The following ALPK1 variants were observed in gnomAD, a reference collection of about 807,000 sequenced individuals.
The protein encoded by ALPK1 is alpha kinase 1, also known as alpha-protein kinase 1.
In ALPK1, 110 loss-of-function variants were observed where a neutral mutation model predicts 120.6. The observed-to-expected ratio is 0.91, with a 90% CI of 0.78 to 1.07. The LOEUF (loss-of-function observed/expected upper bound fraction) is 1.07. Ranked by LOEUF, ALPK1 falls within the 50% of genes least tolerant of loss-of-function variation. The pLI is 0.00. For synonymous variants in ALPK1, 582 were observed against 560.3 expected, an observed-to-expected ratio of 1.04 and a Z score of -0.55; for missense variants, 1,498 against 1,483.9, an observed-to-expected ratio of 1.01 and a Z score of -0.16.
intron 2 of ALPK1, among the ~76,000 whole-genome samples, chr4:112,330,002 A>G (rs1412227299): frequency 1.3e-5 from 2 of 152,244 alleles, no homozygotes; most frequent in Non-Finnish European, 2.9e-5. Context: ...TTGAAGTGAC[A>G]TGCACTACTA....
chr4:112,345,101 G>T (rs1405290320), intron 2 of ALPK1, among the ~76,000 whole-genome samples: 1 of 152,134 alleles, frequency 6.6e-6, no homozygotes, highest in East Asian at 1.9e-4. Context: ...GTAAAAGTAG[G>T]CATGGCTGCC....
chr4:112,316,763 A>G (rs574394997), intron 2 of ALPK1, among the ~76,000 whole-genome samples: 1 of 151,168 alleles, frequency 6.6e-6, no homozygotes, highest in African/African-American at 2.4e-5. Context: ...GGCCATTTGT[A>G]TATCTTCTTT....
intron 1 of ALPK1, among the ~76,000 whole-genome samples, chr4:112,315,357 A>G (rs1728589572): frequency 6.6e-6 from 1 of 152,132 alleles, no homozygotes; most frequent in Non-Finnish European, 1.5e-5. Flanking sequence ...TAAGATGTCA[A>G]CCCCAGAGGT....
chr4:112,398,008 T>G (rs1278600059), intron 4 of ALPK1, among the ~76,000 whole-genome samples: 2 of 152,088 alleles, frequency 1.3e-5, no homozygotes, highest in Non-Finnish European at 2.9e-5. Context: ...AGTCGAGAGA[T>G]AGTGAGTGAT....
At position 112,423,929 on chromosome 4, in the gene ALPK1, G is replaced by A. The variant is rs1292575269; in HGVS notation, c.476-15G>A. The A allele has an allele frequency of 6.2e-7, 1 of 1,613,808 alleles. No individual in the cohort carries two copies. The highest frequency in any genetic ancestry group is 8.5e-7 in the Non-Finnish European group (1 of 1,179,904). On this transcript the variant is annotated splice_polypyrimidine_tract_variant and intron_variant, in intron 5 of 15. Coordinates refer to ENST00000650871, the MANE Select transcript of ALPK1 (RefSeq NM_025144.4). ...TTCAAAGCTAATTGTGTGGCATTTG[G>A]TTGCTGCTTTTCAGGAAAACTTTTA...
chr4:112,312,695 C>T (rs550706570), intron 1 of ALPK1, among the ~76,000 whole-genome samples: 1 of 152,318 alleles, frequency 6.6e-6, no homozygotes, highest in South Asian at 2.1e-4. Context: ...GCTGGTAATA[C>T]CTCTCGTTTG....
At chr4:112,371,164 G>C (rs561953197) in intron 2 of ALPK1, among the ~76,000 whole-genome samples, 1 of 152,214 alleles carries the variant, frequency 6.6e-6, no homozygotes, top group South Asian at 2.1e-4. Flanking sequence ...CGCTCTGGTC[G>C]AAAGTCCTGA....
At chr4:112,396,012 T>C (rs543884173) in intron 4 of ALPK1, among the ~76,000 whole-genome samples, 50 of 152,320 alleles carry the variant, frequency 3.3e-4, no homozygotes, top group Non-Finnish European at 6.2e-4. Flanking sequence ...AACTCTTCAT[T>C]TGGAACATTT....
intron 1 of ALPK1, among the ~76,000 whole-genome samples, chr4:112,299,387 G>T (rs1039498227): frequency 6.6e-6 from 1 of 152,086 alleles, no homozygotes; most frequent in Non-Finnish European, 1.5e-5. Context: ...TGAGTTATTT[G>T]CTAGCTTAAT....
chr4:112,372,731 C>T (rs960501213), intron 2 of ALPK1, among the ~76,000 whole-genome samples: 1 of 152,090 alleles, frequency 6.6e-6, no homozygotes, highest in Non-Finnish European at 1.5e-5. Context: ...ACTTTTTCCT[C>T]CTGTCTAACT....
intron 4 of ALPK1, among the ~76,000 whole-genome samples, chr4:112,397,293 G>A (rs1732694251): frequency 6.6e-6 from 1 of 152,160 alleles, no homozygotes; most frequent in Admixed American, 6.5e-5. Flanking sequence ...GTCACATTTT[G>A]AAAATATTAT....
intron 2 of ALPK1, among the ~76,000 whole-genome samples, chr4:112,328,895 A>G (rs1729233007): frequency 1.3e-5 from 2 of 152,202 alleles, no homozygotes; most frequent in African/African-American, 4.8e-5. Flanking sequence ...TACATTATAA[A>G]GCAGGGTCAT....
chr4:112,299,117 T>G (rs1318098133), intron 1 of ALPK1, among the ~76,000 whole-genome samples: 1 of 152,124 alleles, frequency 6.6e-6, no homozygotes, highest in East Asian at 1.9e-4. Context: ...GTTGCCTCTC[T>G]ATATGGGGGA....
chr4:112,364,499 T>G (rs1731052894), intron 2 of ALPK1, among the ~76,000 whole-genome samples: 1 of 151,998 alleles, frequency 6.6e-6, no homozygotes, highest in South Asian at 2.1e-4. Context: ...ACAACCCTCC[T>G]AGATTAAACC....
chr4:112,312,934 G>A (rs377428759), intron 1 of ALPK1, among the ~76,000 whole-genome samples: 13 of 152,314 alleles, frequency 8.5e-5, no homozygotes, highest in African/African-American at 3.1e-4. Context: ...CCTTCCACAA[G>A]GCATGGCCCT....
At position 112,432,431 on chromosome 4, in the gene ALPK1, C is replaced by A. The variant is rs1734609297; in HGVS notation, c.2884C>A (p.Pro962Thr). 1 of 1,614,044 alleles carries A rather than the reference C, an allele frequency of 6.2e-7. No homozygotes were observed. Among genetic ancestry groups the A allele is most frequent in the African/African-American group, 1.3e-5 (1 of 74,982 alleles). The change falls in exon 11 of 16, where the codon CCG becomes ACG. Residue 962 changes from proline (P) to threonine (T), a missense_variant. Coordinates refer to ENST00000650871, the MANE Select transcript of ALPK1 (RefSeq NM_025144.4). ...NSSGSSWVSL[P>T]GKMRKEILEA... ...CAGTGGGAGTTCTTGGGTTTCATTG[C>A]CGGGAAAGATGAGGAAAGAGATCCT...
At chr4:112,397,939 C>G (rs1732733308) in intron 4 of ALPK1, among the ~76,000 whole-genome samples, 1 of 152,098 alleles carries the variant, frequency 6.6e-6, no homozygotes, top group Admixed American at 6.5e-5. Context: ...TGGGCACAGT[C>G]AGATGGTGTA....
intron 2 of ALPK1, among the ~76,000 whole-genome samples, chr4:112,366,897 G>C (rs114006146): frequency 2.6e-5 from 4 of 152,192 alleles, no homozygotes; most frequent in Non-Finnish European, 5.9e-5. Flanking sequence ...GGCACTTGCA[G>C]CAACCTGGAT....
At chr4:112,298,425 C>A (rs561390388) in intron 1 of ALPK1, among the ~76,000 whole-genome samples, 5 of 152,230 alleles carry the variant, frequency 3.3e-5, no homozygotes, top group African/African-American at 9.6e-5. Flanking sequence ...CTGACCGAAA[C>A]AATTTACTTC....
Sources: gnomAD v4.1 joint callset for allele counts (sites outside exome capture counted in the v4.1 genomes callset) on GRCh38, gnomAD v4.1.1 for gene constraint, MANE v1.5 for transcripts, NCBI Gene and HGNC (gene_info 2026-07-23, HGNC 2026-07-21) for gene names.